The following DIS3L2 variants were observed in gnomAD, a reference collection of about 807,000 sequenced individuals.
The protein encoded by DIS3L2 is DIS3 like 3'-5' exoribonuclease 2.
Under a neutral mutation model 97.5 loss-of-function variants are expected in DIS3L2, and 34 were observed. That is an observed-to-expected ratio of 0.35 (90% confidence interval 0.27 to 0.46). The LOEUF is 0.46. Among genes scored for constraint, DIS3L2 ranks in the 20% least tolerant of loss-of-function variants. The probability of loss-of-function intolerance (pLI) is 1.00; values close to 1 mark genes in which losing one functional copy is unlikely to be tolerated. For synonymous variants in DIS3L2, 435 were observed against 445.2 expected (o/e 0.98, Z 0.29); for missense variants, 1,038 against 1,146.0 (o/e 0.91, Z 1.36).
chr2:232,339,681 A>G (rs1292776646), downstream of DIS3L2: 4 of 456,316 alleles, frequency 8.8e-6, no homozygotes, highest in Non-Finnish European at 1.8e-5. Flanking sequence ...GCTGGGCAGT[A>G]GAACACTGAG....
At chr2:232,311,903 A>G (rs572053304) in intron 14 of DIS3L2, among the ~76,000 whole-genome samples, 1 of 152,160 alleles carries the variant, frequency 6.6e-6, no homozygotes, top group Non-Finnish European at 1.5e-5. Flanking sequence ...GCACATATGC[A>G]TGTGTTGCTT....
At chr2:232,280,723 A>G (rs572693381) in intron 13 of DIS3L2, among the ~76,000 whole-genome samples, 7 of 152,288 alleles carry the variant, frequency 4.6e-5, no homozygotes, top group African/African-American at 1.7e-4. Context: ...GAGATGACCA[A>G]CCTCAGCCAA....
At chr2:231,984,009 TG>T (rs1249466175) in intron 1 of DIS3L2, among the ~76,000 whole-genome samples, 3 of 152,130 alleles carry the variant, frequency 2.0e-5, no homozygotes, top group African/African-American at 7.2e-5. Flanking sequence ...GTATTGTTTT[TG>T]GGCATTATTG....
At chr2:232,312,299 A>T (rs181947765) in intron 14 of DIS3L2, among the ~76,000 whole-genome samples, 36 of 152,336 alleles carry the variant, frequency 2.4e-4, no homozygotes, top group African/African-American at 7.2e-4. Context: ...TTGATTTTTG[A>T]AAATGGTACA....
intron 14 of DIS3L2, among the ~76,000 whole-genome samples, chr2:232,319,106 C>T (rs190683455): frequency 6.6e-6 from 1 of 152,268 alleles, no homozygotes; most frequent in African/African-American, 2.4e-5. Context: ...CATTCCTGGG[C>T]AGATGGTATC....
chr2:232,220,971 A>G (rs902362110), intron 10 of DIS3L2, among the ~76,000 whole-genome samples: 11 of 151,750 alleles, frequency 7.2e-5, no homozygotes, highest in Admixed American at 1.3e-4. Flanking sequence ...GTGTGCTGGC[A>G]CATACCTGTA....
At chr2:232,257,964 C>A (rs970611464) in intron 12 of DIS3L2, among the ~76,000 whole-genome samples, 3 of 152,184 alleles carry the variant, frequency 2.0e-5, no homozygotes, top group African/African-American at 7.2e-5. Flanking sequence ...TGACTTTTGA[C>A]AAGTTCCTGG....
intron 14 of DIS3L2, among the ~76,000 whole-genome samples, chr2:232,300,652 C>CT (rs35570747): frequency 0.013 from 1,619 of 121,446 alleles, 12 homozygotes; most frequent in African/African-American, 0.022. Context: ...TAGACTGCTC[C>CT]TTTTTTTTTT....
intron 1 of DIS3L2, among the ~76,000 whole-genome samples, chr2:231,975,375 G>A (rs1693052373): frequency 6.6e-6 from 1 of 151,938 alleles, no homozygotes; most frequent in Non-Finnish European, 1.5e-5. Flanking sequence ...AGGGAAAGCA[G>A]AAATGGGGTT....
chr2:232,134,870 C>T (rs3116172), intron 7 of DIS3L2, among the ~76,000 whole-genome samples: 120,088 of 151,206 alleles, frequency 0.79, 48,129 homozygotes, highest in African/African-American at 0.89. Flanking sequence ...ATTGTGTGTG[C>T]GCACACACAC....
intron 6 of DIS3L2, among the ~76,000 whole-genome samples, chr2:232,094,675 C>T (rs892867214): frequency 1.7e-4 from 25 of 147,762 alleles, no homozygotes; most frequent in Non-Finnish European, 3.1e-4. Context: ...GCCAAGACTG[C>T]GCCACTGCAC....
At chr2:232,085,141 G>T (rs1443676874) in intron 5 of DIS3L2, among the ~76,000 whole-genome samples, 1 of 152,118 alleles carries the variant, frequency 6.6e-6, no homozygotes, top group Non-Finnish European at 1.5e-5. Context: ...CTTCATTCAG[G>T]TCTCTGCTCA....
chr2:232,264,372 A>T (rs1693800502), intron 13 of DIS3L2, among the ~76,000 whole-genome samples: 1 of 152,220 alleles, frequency 6.6e-6, no homozygotes, highest in South Asian at 2.1e-4. Flanking sequence ...CTGAAGTCTC[A>T]CAGCCTTGCT....
chr2:232,312,408 T>A (rs1559206875), intron 14 of DIS3L2, among the ~76,000 whole-genome samples: 1 of 152,232 alleles, frequency 6.6e-6, no homozygotes. Context: ...AAAAATGAAG[T>A]ACCCATATGC....
intron 10 of DIS3L2, 33 bp downstream of exon 10, chr2:232,210,438 G>A (rs761628895): frequency 6.3e-7 from 1 of 1,587,128 alleles, no homozygotes; most frequent in South Asian, 1.1e-5. Flanking sequence ...ATCTTGGGTA[G>A]CAGGCAGTCT....
At chr2:232,320,243 A>G (rs896551772) in intron 14 of DIS3L2, among the ~76,000 whole-genome samples, 13 of 152,300 alleles carry the variant, frequency 8.5e-5, no homozygotes, top group Middle Eastern at 3.4e-3. Context: ...CTGTGTGTCA[A>G]TATTTTAAAA....
chr2:232,294,266 G>A (rs1196446584), intron 13 of DIS3L2, among the ~76,000 whole-genome samples: 2 of 152,204 alleles, frequency 1.3e-5, no homozygotes, highest in Admixed American at 6.5e-5. Context: ...GGAGCTAGAG[G>A]TTGGGTCTGC....
At chr2:232,277,297 A>G (rs1402766645) in intron 13 of DIS3L2, among the ~76,000 whole-genome samples, 2 of 152,116 alleles carry the variant, frequency 1.3e-5, no homozygotes, top group African/African-American at 2.4e-5. Flanking sequence ...GCTGCAAAGT[A>G]TTTCATCCTG....
At chr2:232,015,866 G>A (rs1342485976) in intron 3 of DIS3L2, 195 bp downstream of exon 3, 1 of 503,284 alleles carries the variant, frequency 2.0e-6, no homozygotes, top group African/African-American at 1.9e-5. Context: ...GAGGTAATAA[G>A]CACCACAAGA....
Sources: allele counts gnomAD v4.1 joint callset (sites outside exome capture counted in the v4.1 genomes callset), GRCh38; gene constraint gnomAD v4.1.1; transcripts MANE v1.5; gene names NCBI Gene and HGNC (gene_info 2026-07-23, HGNC 2026-07-21).